The following AGBL1 variants were observed in gnomAD, a reference collection of about 807,000 sequenced individuals.
AGBL1 encodes AGBL carboxypeptidase 1.
In AGBL1, 130 loss-of-function variants were observed where a neutral mutation model predicts 118.9. That is an observed-to-expected ratio of 1.09 (90% CI 0.95 to 1.26). AGBL1 has a LOEUF of 1.26. AGBL1 is among the 50% of genes most tolerant of loss of function. The pLI is 0.00. For synonymous variants in AGBL1, 555 were observed against 478.9 expected (o/e 1.16, Z -2.08); for missense variants, 1,584 against 1,298.1 (o/e 1.22, Z -3.38).
intron 4 of AGBL1, among the ~76,000 whole-genome samples, chr15:86,156,604 T>C (rs2077194773): frequency 6.6e-6 from 1 of 152,144 alleles, no homozygotes; most frequent in Non-Finnish European, 1.5e-5. Flanking sequence ...TTCATGGGCA[T>C]GTTCGTCACA....
At chr15:86,733,703 G>A (rs2077557511) in intron 22 of AGBL1, among the ~76,000 whole-genome samples, 1 of 152,100 alleles carries the variant, frequency 6.6e-6, no homozygotes, top group East Asian at 1.9e-4. Flanking sequence ...AATCTTATGA[G>A]GAGCTATCAT....
intron 6 of AGBL1, among the ~76,000 whole-genome samples, chr15:86,225,925 T>C (rs1288980937): frequency 6.6e-6 from 1 of 152,066 alleles, no homozygotes; most frequent in Admixed American, 6.6e-5. Flanking sequence ...CTTAGAAAAA[T>C]TGAAGCTTGA....
intron 23 of AGBL1, among the ~76,000 whole-genome samples, chr15:86,941,608 G>T (rs934625476): frequency 6.6e-6 from 1 of 152,178 alleles, no homozygotes; most frequent in Non-Finnish European, 1.5e-5. Context: ...TATACGTAGA[G>T]AAGCCATCCT....
chr15:86,595,725 A>G (rs1291658195), intron 21 of AGBL1, among the ~76,000 whole-genome samples: 1 of 152,126 alleles, frequency 6.6e-6, no homozygotes, highest in Non-Finnish European at 1.5e-5. Context: ...AAGTTTAATT[A>G]ATGCAGGGCT....
intron 3 of AGBL1, among the ~76,000 whole-genome samples, chr15:86,150,305 C>G (rs2077090422): frequency 6.6e-6 from 1 of 151,956 alleles, no homozygotes. Context: ...GATAGAGACA[C>G]AAAAAACCCT....
At chr15:86,704,247 A>G (rs1316659446) in intron 22 of AGBL1, among the ~76,000 whole-genome samples, 5 of 152,322 alleles carry the variant, frequency 3.3e-5, no homozygotes, top group Non-Finnish European at 7.4e-5. Flanking sequence ...CATGACTAAA[A>G]CACCAAAAGC....
chr15:86,898,671 A>G (rs1016121533), intron 22 of AGBL1, among the ~76,000 whole-genome samples: 4 of 152,246 alleles, frequency 2.6e-5, no homozygotes, highest in Non-Finnish European at 4.4e-5. Flanking sequence ...TCTAATATCC[A>G]GCATCTATAA....
At chr15:86,523,159 T>C in intron 19 of AGBL1, among the ~76,000 whole-genome samples, 1 of 152,332 alleles carries the variant, frequency 6.6e-6, no homozygotes, top group East Asian at 1.9e-4. Flanking sequence ...CTCACATTTC[T>C]GGAGGTGTGA....
intron 19 of AGBL1, among the ~76,000 whole-genome samples, chr15:86,536,937 G>GA (rs1468081934): frequency 1.1e-4 from 17 of 152,226 alleles, no homozygotes; most frequent in Admixed American, 1.1e-3. Flanking sequence ...CATGTCTGAA[G>GA]AAAACTAATC....
rs1334960904 is a variant in AGBL1, at chr15:86,974,128, T to TA, written c.3222-13859_3222-13858insA. Among the ~76,000 whole-genome samples, 52 of 29,706 alleles carry TA rather than the reference T, an allele frequency of 1.8e-3. 1 individual carries two copies. Among genetic ancestry groups the TA allele is most frequent in the South Asian group, 0.015 (7 of 480 alleles). 19.5% of individuals were successfully genotyped at this position (29,706 alleles called of 152,430 possible). A position where few individuals can be genotyped will look rare whatever the true frequency, so the allele number is the denominator to read the frequency against. ...CATTTTAATATATTAAATATAAACA[T>TA]TTTAATATATTAAATATAAACATTT... On this transcript the variant is annotated intron_variant, in intron 23 of 24. Transcript: ENST00000441037.
chr15:86,114,058 A>C (rs187232721), intron 1 of AGBL1, among the ~76,000 whole-genome samples: 1 of 152,356 alleles, frequency 6.6e-6, no homozygotes, highest in Admixed American at 6.5e-5. Flanking sequence ...GTGACATTTC[A>C]AAGACTATAT....
At chr15:86,661,427 A>G (rs1446268292) in intron 21 of AGBL1, among the ~76,000 whole-genome samples, 2 of 152,072 alleles carry the variant, frequency 1.3e-5, no homozygotes, top group African/African-American at 2.4e-5. Flanking sequence ...AGCTAATTCA[A>G]TGGCCATTAA....
At chr15:86,681,838 G>A (rs1160926022) in intron 22 of AGBL1, among the ~76,000 whole-genome samples, 2 of 152,118 alleles carry the variant, frequency 1.3e-5, no homozygotes. Flanking sequence ...AGAGGTTAAG[G>A]AGAGCAGGCA....
chr15:86,433,269 T>C (rs919491455), intron 18 of AGBL1, among the ~76,000 whole-genome samples: 1,971 of 91,988 alleles, frequency 0.021, 22 homozygotes, highest in African/African-American at 0.047. Context: ...CCTTCTTCTT[T>C]TTTTTTTTTT....
chr15:86,410,606 G>C (rs1335726050), intron 18 of AGBL1, among the ~76,000 whole-genome samples: 2 of 150,940 alleles, frequency 1.3e-5, no homozygotes, highest in Admixed American at 1.3e-4. Flanking sequence ...ACTGAACAAA[G>C]GTAATGGTTC....
intron 6 of AGBL1, among the ~76,000 whole-genome samples, chr15:86,235,960 A>G (rs746131971): frequency 6.6e-6 from 1 of 152,194 alleles, no homozygotes; most frequent in Non-Finnish European, 1.5e-5. Context: ...GATGAGAAAA[A>G]TAGTGTTCTA....
chr15:86,969,827 G>A (rs976464277), intron 23 of AGBL1, among the ~76,000 whole-genome samples: 3 of 151,948 alleles, frequency 2.0e-5, no homozygotes, highest in East Asian at 1.9e-4. Flanking sequence ...GAAACAGCAT[G>A]CTATTAACCA....
At chr15:86,685,765 G>A (rs2086042931) in intron 22 of AGBL1, among the ~76,000 whole-genome samples, 1 of 152,110 alleles carries the variant, frequency 6.6e-6, no homozygotes. Context: ...TCAAATGTTG[G>A]TCACTGAATC....
chr15:86,172,055 T>C (rs920739988), intron 5 of AGBL1, among the ~76,000 whole-genome samples: 3 of 151,370 alleles, frequency 2.0e-5, no homozygotes, highest in African/African-American at 7.3e-5. Context: ...GTGGGAGGAG[T>C]GTAAGGGATA....
Sources: allele counts gnomAD v4.1 joint callset (sites outside exome capture counted in the v4.1 genomes callset), GRCh38; gene constraint gnomAD v4.1.1; transcripts MANE v1.5; gene names NCBI Gene and HGNC (gene_info 2026-07-23, HGNC 2026-07-21).